The following TMEM223 variants were observed in gnomAD, a reference collection of about 807,000 sequenced individuals.
TMEM223 encodes the protein transmembrane protein 223.
TMEM223 carries 14 observed loss-of-function variants against 14.1 expected under a neutral mutation model. The observed-to-expected ratio is 0.99, with a 90% CI of 0.66 to 1.55. The LOEUF (loss-of-function observed/expected upper bound fraction) is 1.55. TMEM223 is among the 40% of genes most tolerant of loss of function. The pLI is 0.00. For synonymous variants in TMEM223, 145 were observed against 120.5 expected, an observed-to-expected ratio of 1.20 and a Z score of -1.33; for missense variants, 346 against 269.9, an observed-to-expected ratio of 1.28 and a Z score of -1.97.
At chr11:62,789,862 C>T (rs376202974), downstream of TMEM223, 169 of 1,605,800 alleles carry the variant, frequency 1.1e-4, no homozygotes, top group African/African-American at 1.6e-3. Context: ...CCACTCCTGA[C>T]GATCCTGTCC....
chr11:62,772,053 C>T (rs2084152132), exon 3 of TMEM223: 2 of 455,708 alleles, frequency 4.4e-6, no homozygotes, highest in South Asian at 1.6e-5. Context: ...CCTTGCTCCC[C>T]CTCCCTACTT....
chr11:62,776,174 C>T (rs1418794340), intron 1 of TMEM223, among the ~76,000 whole-genome samples: 1 of 152,198 alleles, frequency 6.6e-6, no homozygotes, highest in African/African-American at 2.4e-5. Flanking sequence ...GGTAGATACT[C>T]ACATTCTGCA....
In TMEM223 at chr11:62,790,559, C is replaced by G. The variant is rs1428777411; in HGVS notation, c.*64G>C. 2 of 1,468,540 alleles carry G rather than the reference C, an allele frequency of 1.4e-6. No individual in the cohort carries two copies. Among genetic ancestry groups the G allele is most frequent in the South Asian group, 2.6e-5 (2 of 75,576 alleles). The allele number at this position is 1,468,540 out of a possible 1,614,324, so 91.0% of individuals were successfully genotyped here. On this transcript the variant is annotated 3_prime_UTR_variant, in exon 2 of 2. Coordinates refer to ENST00000307366, the MANE Select transcript of TMEM223 (RefSeq NM_001080501.3). ...TTACAACAGGTGTGAACCAACACAC[C>G]TGGCTCCCCAAGGTTCAGTTTTTAT...
At chr11:62,788,530 C>T (rs571606856), downstream of TMEM223, among the ~76,000 whole-genome samples, 1 of 152,190 alleles carries the variant, frequency 6.6e-6, no homozygotes, top group South Asian at 2.1e-4. Flanking sequence ...CGGTGAAACC[C>T]TGTCTCTACT....
chr11:62,779,037 T>TTTTAAA, intron 1 of TMEM223: 1 of 1,204,092 alleles, frequency 8.3e-7, no homozygotes, highest in East Asian at 2.5e-5. Context: ...TTTTTTTTTT[T>TTTTAAA]GAGACAGAGT....
downstream of TMEM223, among the ~76,000 whole-genome samples, chr11:62,784,190 A>T (rs1000632081): frequency 2.7e-5 from 4 of 148,420 alleles, no homozygotes; most frequent in Admixed American, 1.3e-4. Flanking sequence ...GGGTTTCACA[A>T]TGTTGGCCAG....
Position 62,791,899 on chromosome 11 carries a change from C to T in TMEM223, c.96G>A (p.Arg32=), listed in dbSNP as rs1248492423. ...GATCATGCTCAAAGAGCAGCACATC[C>T]CGTTGCAGCGTCGTGCCTTGCAGGG... ...CRPLQGTTLQ[R]DVLLFEHDRG... The change falls in exon 1 of 2, where the codon CGG becomes CGA. Residue 32 remains arginine, a synonymous_variant. Transcript: ENST00000307366. 7 of 1,600,636 alleles carry T rather than the reference C, an allele frequency of 4.4e-6. No homozygotes were observed. Among genetic ancestry groups the T allele is most frequent in the Non-Finnish European group, 5.1e-6 (6 of 1,174,132 alleles).
chr11:62,783,862 T>A (rs2084249142), downstream of TMEM223, among the ~76,000 whole-genome samples: 1 of 151,170 alleles, frequency 6.6e-6, no homozygotes, highest in Non-Finnish European at 1.5e-5. Context: ...ACAAGTTCTA[T>A]TCTGTTGATA....
downstream of TMEM223, chr11:62,771,377 G>A (rs2084145165): frequency 6.5e-6 from 1 of 153,390 alleles, no homozygotes; most frequent in Admixed American, 6.5e-5. Context: ...ATTGGGGAGG[G>A]CGGGGCCGGG....
At chr11:62,772,099 G>A (rs1484356348) in exon 3 of TMEM223, 2 of 456,096 alleles carry the variant, frequency 4.4e-6, no homozygotes, top group East Asian at 6.9e-5. Context: ...GAGAAGTCAT[G>A]GAACATTTAG....
chr11:62,775,926 C>A (rs144825291), intron 1 of TMEM223: 3 of 1,607,068 alleles, frequency 1.9e-6, no homozygotes, highest in Admixed American at 1.7e-5. Context: ...AGAGAGGCCA[C>A]GCAGGTACAC....
intron 1 of TMEM223, among the ~76,000 whole-genome samples, chr11:62,791,252 A>G (rs1401533613): frequency 1.3e-5 from 2 of 151,706 alleles, no homozygotes; most frequent in East Asian, 1.9e-4. Context: ...CGGAGACATC[A>G]CTGTTTCCCA....
intron 1 of TMEM223, chr11:62,781,775 A>G: frequency 1.1e-6 from 1 of 880,972 alleles, no homozygotes; most frequent in Non-Finnish European, 1.9e-6. Context: ...AGATCAAAGA[A>G]TATGAACATT....
chr11:62,772,805 C>CAAAA (rs770586046), intron 2 of TMEM223, among the ~76,000 whole-genome samples: 16 of 109,698 alleles, frequency 1.5e-4, no homozygotes, highest in African/African-American at 6.1e-5. Context: ...ACATCATCTC[C>CAAAA]AAAAAAAAAA....
intron 1 of TMEM223, among the ~76,000 whole-genome samples, chr11:62,791,400 G>A (rs1040849396): frequency 2.0e-5 from 3 of 152,188 alleles, no homozygotes; most frequent in Non-Finnish European, 2.9e-5. Flanking sequence ...TGGGACTACA[G>A]GCGCTTGCTA....
downstream of TMEM223, chr11:62,786,656 G>A: frequency 1.9e-6 from 3 of 1,610,718 alleles, no homozygotes; most frequent in African/African-American, 1.3e-5. Flanking sequence ...TCCGGGGGCG[G>A]TGCAGAACCC....
At chr11:62,782,393 A>C in intron 1 of TMEM223, 1 of 1,555,520 alleles carries the variant, frequency 6.4e-7, no homozygotes, top group Non-Finnish European at 8.7e-7. Context: ...GGTTGGGGTA[A>C]GGAAATGGGG....
chr11:62,777,832 G>C, intron 1 of TMEM223: 1 of 969,972 alleles, frequency 1.0e-6, no homozygotes, highest in Non-Finnish European at 1.5e-6. Flanking sequence ...GTGGCTCTGA[G>C]TCCCAGGCTT....
At position 62,790,411 on chromosome 11, in the gene TMEM223, TA is replaced by T. The variant is rs1462182330; in HGVS notation, c.*211del. Reference sequence around the variant, plus strand: ...GACCTCCTTGTGTGACCCTGGTTGTTACTCCATTCTAAGATTGGCGTTTTTT... The same window carrying T: ...GACCTCCTTGTGTGACCCTGGTTGTTCTCCATTCTAAGATTGGCGTTTTTT... On this transcript the variant is annotated 3_prime_UTR_variant, in exon 2 of 2. Transcript: ENST00000307366. The T allele has an allele frequency of 6.5e-5, 38 of 582,386 alleles. 2 individuals are homozygous for T. In the South Asian group the frequency reaches 8.5e-4, roughly 13 times the overall value. The allele number at this position is 582,386 out of a possible 1,614,324, so 36.1% of individuals were successfully genotyped here.
Sources: allele counts gnomAD v4.1 joint callset (sites outside exome capture counted in the v4.1 genomes callset), GRCh38; gene constraint gnomAD v4.1.1; transcripts MANE v1.5; gene names NCBI Gene and HGNC (gene_info 2026-07-23, HGNC 2026-07-21).